AUTS2: variants seen among roughly 807,000 people sequenced by gnomAD.
The protein encoded by AUTS2 is activator of transcription and developmental regulator AUTS2.
In AUTS2, 17 loss-of-function variants were observed where a neutral mutation model predicts 112.4. That is an observed-to-expected ratio of 0.15 (90% confidence interval 0.10 to 0.23). The LOEUF (loss-of-function observed/expected upper bound fraction) is 0.23, where lower values mean the gene tolerates loss of function less well. Among genes scored for constraint, AUTS2 ranks in the 10% least tolerant of loss-of-function variants. The pLI, the probability that AUTS2 is intolerant of heterozygous loss-of-function variation, is 1.00. For missense variants in AUTS2, 1,510 were observed against 1,701.6 expected (o/e 0.89, Z 1.98); for synonymous variants, 751 against 702.7 (o/e 1.07, Z -1.09).
At chr7:70,646,665 C>A (rs1371940048) in intron 5 of AUTS2, among the ~76,000 whole-genome samples, 1 of 152,248 alleles carries the variant, frequency 6.6e-6, no homozygotes, top group African/African-American at 2.4e-5. Flanking sequence ...TGAATCATTG[C>A]CATTTGTGCG....
At chr7:70,775,432 C>T in intron 13 of AUTS2, 46 bp downstream of exon 13, 1 of 1,480,102 alleles carries the variant, frequency 6.8e-7, no homozygotes, top group East Asian at 2.3e-5. Flanking sequence ...CTATTTGACT[C>T]CCTGTGGGTT....
intron 4 of AUTS2, among the ~76,000 whole-genome samples, chr7:70,254,683 G>A (rs1423107983): frequency 6.6e-6 from 1 of 152,066 alleles, no homozygotes; most frequent in Non-Finnish European, 1.5e-5. Context: ...CTTGTTATGA[G>A]CTCCTTTTGT....
intron 5 of AUTS2, among the ~76,000 whole-genome samples, chr7:70,527,787 C>T (rs35415385): frequency 0.056 from 8,518 of 152,218 alleles, 288 homozygotes; most frequent in Middle Eastern, 0.14. Flanking sequence ...GAGATAAGAT[C>T]GAACTTGTGA....
intron 1 of AUTS2, among the ~76,000 whole-genome samples, chr7:69,748,045 T>G (rs1787581780): frequency 6.6e-6 from 1 of 152,082 alleles, no homozygotes. Context: ...GATTTTTTCT[T>G]TAGGGTTCCT....
chr7:69,899,640 G>T (rs1794894623), intron 2 of AUTS2, 142 bp downstream of exon 2: 1 of 744,834 alleles, frequency 1.3e-6, no homozygotes, highest in African/African-American at 1.8e-5. Context: ...CTGTGTGCGT[G>T]CCTTTAAAAG....
intron 1 of AUTS2, among the ~76,000 whole-genome samples, chr7:69,645,825 A>G (rs1373220998): frequency 2.6e-5 from 4 of 152,088 alleles, no homozygotes; most frequent in Non-Finnish European, 4.4e-5. Flanking sequence ...TTTAGGGCCT[A>G]TAAAAAACAC....
At chr7:69,933,206 CAT>C (rs1370229567) in intron 2 of AUTS2, among the ~76,000 whole-genome samples, 4 of 152,160 alleles carry the variant, frequency 2.6e-5, no homozygotes, top group African/African-American at 7.2e-5. Context: ...AGTAATGGCT[CAT>C]GTGTGCGCAC....
intron 5 of AUTS2, among the ~76,000 whole-genome samples, chr7:70,552,755 C>T (rs1440588321): frequency 1.3e-5 from 2 of 152,132 alleles, no homozygotes; most frequent in African/African-American, 4.8e-5. Flanking sequence ...CCCAGATCCC[C>T]CAAATCTGAA....
intron 2 of AUTS2, among the ~76,000 whole-genome samples, chr7:70,117,187 T>C (rs914853902): frequency 2.0e-5 from 3 of 146,574 alleles, no homozygotes; most frequent in African/African-American, 7.5e-5. Flanking sequence ...TTCTAGCCCA[T>C]ATGTGGCACT....
intron 1 of AUTS2, among the ~76,000 whole-genome samples, chr7:69,678,611 A>T (rs752376166): frequency 6.6e-6 from 1 of 152,174 alleles, no homozygotes; most frequent in African/African-American, 2.4e-5. Flanking sequence ...CAGAAACTCA[A>T]TTGTGGCCTT....
chr7:70,285,749 C>T (rs1788429461), intron 4 of AUTS2, among the ~76,000 whole-genome samples: 1 of 152,172 alleles, frequency 6.6e-6, no homozygotes. Flanking sequence ...TCCATAGGAT[C>T]CTCCATTAGC....
At chr7:69,634,150 C>T (rs1305819053) in intron 1 of AUTS2, among the ~76,000 whole-genome samples, 5 of 150,694 alleles carry the variant, frequency 3.3e-5, no homozygotes, top group Admixed American at 6.6e-5. Context: ...GACGGAGTCT[C>T]GCTCTGTGGC....
chr7:70,395,308 G>A (rs1413951094), intron 4 of AUTS2, among the ~76,000 whole-genome samples: 1 of 152,168 alleles, frequency 6.6e-6, no homozygotes, highest in Non-Finnish European at 1.5e-5. Context: ...GGAGGACAAG[G>A]TGAGAGGATC....
intron 4 of AUTS2, among the ~76,000 whole-genome samples, chr7:70,355,193 G>A (rs1233317645): frequency 1.3e-5 from 2 of 151,860 alleles, no homozygotes; most frequent in Non-Finnish European, 2.9e-5. Context: ...AACTATTGAG[G>A]AATAGGCACA....
intron 2 of AUTS2, among the ~76,000 whole-genome samples, chr7:69,941,718 G>T (rs773914500): frequency 1.3e-5 from 2 of 151,990 alleles, no homozygotes; most frequent in Non-Finnish European, 2.9e-5. Flanking sequence ...GTAGTATAGA[G>T]TTAACCTCAG....
chr7:69,669,218 G>GAAAT (rs1262991449), intron 1 of AUTS2, among the ~76,000 whole-genome samples: 1 of 152,034 alleles, frequency 6.6e-6, no homozygotes, highest in Non-Finnish European at 1.5e-5. Flanking sequence ...CTAACACTAA[G>GAAAT]AAATAATCGC....
chr7:70,452,765 C>A (rs59501573), intron 5 of AUTS2, among the ~76,000 whole-genome samples: 1 of 152,136 alleles, frequency 6.6e-6, no homozygotes, highest in Non-Finnish European at 1.5e-5. Context: ...CAGGAAATCA[C>A]TAAGCTTTGG....
At chr7:69,921,398 A>G (rs1795806732) in intron 2 of AUTS2, among the ~76,000 whole-genome samples, 1 of 150,910 alleles carries the variant, frequency 6.6e-6, no homozygotes, top group Non-Finnish European at 1.5e-5. Context: ...GAAACAAAAA[A>G]CATCACGGTG....
intron 1 of AUTS2, among the ~76,000 whole-genome samples, chr7:69,804,496 C>T (rs1408036904): frequency 6.6e-6 from 1 of 152,182 alleles, no homozygotes; most frequent in African/African-American, 2.4e-5. Flanking sequence ...GTGTCACCTT[C>T]GTCTCTACTT....
Sources: allele counts gnomAD v4.1 joint callset (sites outside exome capture counted in the v4.1 genomes callset), GRCh38; gene constraint gnomAD v4.1.1; transcripts MANE v1.5; gene names NCBI Gene and HGNC (gene_info 2026-07-23, HGNC 2026-07-21).